The following PXDNL variants were observed in gnomAD, a reference collection of about 807,000 sequenced individuals.
PXDNL encodes peroxidasin like.
In PXDNL, 145 loss-of-function variants were observed where a neutral mutation model predicts 150.8. That is an observed-to-expected ratio of 0.96 (90% CI 0.84 to 1.10). The LOEUF is 1.10. PXDNL is among the 50% of genes least tolerant of loss of function. The pLI is 0.00. For synonymous variants in PXDNL, 757 were observed against 725.7 expected, an observed-to-expected ratio of 1.04 and a Z score of -0.69; for missense variants, 2,087 against 1,873.9, an observed-to-expected ratio of 1.11 and a Z score of -2.10.
chr8:51,390,914 G>A (rs1449050634), intron 17 of PXDNL, among the ~76,000 whole-genome samples: 1 of 151,612 alleles, frequency 6.6e-6, no homozygotes, highest in Non-Finnish European at 1.5e-5. Context: ...CCCCACAACA[G>A]TCCCCAGAGT....
At chr8:51,324,264 C>T (rs1485141711) in intron 21 of PXDNL, among the ~76,000 whole-genome samples, 2 of 152,154 alleles carry the variant, frequency 1.3e-5, no homozygotes, top group African/African-American at 4.8e-5. Context: ...AATCTATAGG[C>T]CTTTTCATTT....
At chr8:51,407,399 A>G (rs975817271) in intron 17 of PXDNL, among the ~76,000 whole-genome samples, 1 of 152,244 alleles carries the variant, frequency 6.6e-6, no homozygotes, top group Admixed American at 6.5e-5. Context: ...TTAGTCTCCT[A>G]TATTTAACCT....
At chr8:51,490,647 C>CAT (rs1037728051) in intron 5 of PXDNL, among the ~76,000 whole-genome samples, 1 of 147,886 alleles carries the variant, frequency 6.8e-6, no homozygotes, top group Non-Finnish European at 1.5e-5. Context: ...CATATATATA[C>CAT]ATATATATAC....
At chr8:51,796,142 C>A (rs1213627713) in intron 1 of PXDNL, among the ~76,000 whole-genome samples, 1 of 152,026 alleles carries the variant, frequency 6.6e-6, no homozygotes, top group East Asian at 1.9e-4. Flanking sequence ...ATTTTTCCCA[C>A]CAGCCTGAAT....
chr8:51,671,263 G>A (rs745931809), intron 1 of PXDNL, among the ~76,000 whole-genome samples: 9 of 152,276 alleles, frequency 5.9e-5, no homozygotes, highest in African/African-American at 1.4e-4. Flanking sequence ...CAATGTTTTC[G>A]TGGGTACACA....
intron 1 of PXDNL, among the ~76,000 whole-genome samples, chr8:51,732,592 G>A (rs981278892): frequency 6.6e-6 from 1 of 152,144 alleles, no homozygotes; most frequent in Non-Finnish European, 1.5e-5. Context: ...TACTGTATTA[G>A]TCTGTTCTCA....
At chr8:51,341,420 CGT>C (rs1339218246) in intron 20 of PXDNL, among the ~76,000 whole-genome samples, 2 of 151,714 alleles carry the variant, frequency 1.3e-5, no homozygotes, top group Non-Finnish European at 2.9e-5. Context: ...TTTTTTTTCA[CGT>C]GTGCATGTGG....
At chr8:51,636,881 G>C (rs1814614839) in intron 2 of PXDNL, among the ~76,000 whole-genome samples, 1 of 151,896 alleles carries the variant, frequency 6.6e-6, no homozygotes, top group South Asian at 2.1e-4. Context: ...TCTGAGAATG[G>C]ACAGACTGCC....
chr8:51,518,435 A>G (rs561331437), intron 4 of PXDNL, among the ~76,000 whole-genome samples: 1 of 152,330 alleles, frequency 6.6e-6, no homozygotes, highest in Admixed American at 6.5e-5. Flanking sequence ...ATATGCATAC[A>G]AGCATAGAAC....
At chr8:51,599,891 T>C (rs1435704281) in intron 2 of PXDNL, among the ~76,000 whole-genome samples, 1 of 51,176 alleles carries the variant, frequency 2.0e-5, no homozygotes, top group Non-Finnish European at 3.3e-5. Flanking sequence ...ATACCTTATA[T>C]AAATGACATC....
At chr8:51,551,061 C>T (rs1585572514) in intron 4 of PXDNL, among the ~76,000 whole-genome samples, 1 of 150,612 alleles carries the variant, frequency 6.6e-6, no homozygotes, top group Middle Eastern at 3.4e-3. Flanking sequence ...GCCCCTTTTA[C>T]AACAGCTGAA....
At chr8:51,379,525 G>T (rs546011501) in intron 17 of PXDNL, among the ~76,000 whole-genome samples, 64 of 149,830 alleles carry the variant, frequency 4.3e-4, no homozygotes, top group African/African-American at 1.3e-3. Flanking sequence ...TTTTAATTGG[G>T]TTTTTTTTTC....
At chr8:51,358,093 T>TCCCA (rs1231561218) in intron 19 of PXDNL, among the ~76,000 whole-genome samples, 1 of 152,198 alleles carries the variant, frequency 6.6e-6, no homozygotes, top group African/African-American at 2.4e-5. Flanking sequence ...ATTAGAATTA[T>TCCCA]CCCACGTTTC....
At chr8:51,787,050 C>T (rs990978969) in intron 1 of PXDNL, among the ~76,000 whole-genome samples, 10 of 148,874 alleles carry the variant, frequency 6.7e-5, no homozygotes, top group Non-Finnish European at 8.9e-5. Flanking sequence ...CATCTGTTTA[C>T]AGCAGAGTTT....
rs747698313 is a variant in PXDNL at position 51,553,740 on chromosome 8, TTATA to T, written c.380+3096_380+3099del. On this transcript the variant is annotated intron_variant, in intron 4 of 22. Coordinates refer to ENST00000356297, the MANE Select transcript of PXDNL (RefSeq NM_144651.5). ...GTTTATTGCCTTATTGTGAGGGATT[TTATA>T]TATATATATATATATATATATATAT... is the stretch of plus-strand genomic sequence containing the variant. 3.7e-3 allele frequency among the ~76,000 whole-genome samples: 422 copies of T among 112,874 alleles called. 5 individuals are homozygous for T. Among genetic ancestry groups the T allele is most frequent in the African/African-American group, 0.012 (294 of 24,386 alleles). 74.0% of individuals were successfully genotyped at this position (112,874 alleles called of 152,430 possible). A position where few individuals can be genotyped will look rare whatever the true frequency, so the allele number is the denominator to read the frequency against.
At chr8:51,742,752 C>T (rs1479554812) in intron 1 of PXDNL, among the ~76,000 whole-genome samples, 1 of 152,028 alleles carries the variant, frequency 6.6e-6, no homozygotes, top group East Asian at 1.9e-4. Flanking sequence ...ATTTCATGGA[C>T]AGTGACTGTT....
intron 9 of PXDNL, among the ~76,000 whole-genome samples, chr8:51,455,131 A>AAAAAAAAAAAAAG (rs1188033805): frequency 1.4e-4 from 13 of 91,804 alleles, no homozygotes; most frequent in African/African-American, 2.2e-4. Context: ...AAAAAAAAAA[A>AAAAAAAAAAAAAG]AAGAGGTAAG....
chr8:51,343,457 T>C (rs1806048457), intron 20 of PXDNL, among the ~76,000 whole-genome samples: 2 of 152,196 alleles, frequency 1.3e-5, no homozygotes. Flanking sequence ...AATTGTAAAG[T>C]GTATGTTTGA....
At chr8:51,684,003 T>G (rs1815817296) in intron 1 of PXDNL, among the ~76,000 whole-genome samples, 1 of 152,072 alleles carries the variant, frequency 6.6e-6, no homozygotes, top group African/African-American at 2.4e-5. Context: ...TAAAAGAAAA[T>G]TACACTTGAC....
Sources: allele counts gnomAD v4.1 joint callset (sites outside exome capture counted in the v4.1 genomes callset), GRCh38; gene constraint gnomAD v4.1.1; transcripts MANE v1.5; gene names NCBI Gene and HGNC (gene_info 2026-07-23, HGNC 2026-07-21).